ANAPC1: variants seen among roughly 807,000 people sequenced by gnomAD.
ANAPC1 encodes the protein anaphase promoting complex subunit 1.
Under a neutral mutation model 208.0 loss-of-function variants are expected in ANAPC1, and 36 were observed. The ratio of observed to expected loss-of-function variants is 0.17; its 90% CI spans 0.13 to 0.23. ANAPC1 has a LOEUF of 0.23. ANAPC1 is among the 10% of genes least tolerant of loss of function. The pLI is 1.00. For missense variants in ANAPC1, 942 were observed against 2,011.6 expected, an observed-to-expected ratio of 0.47 and a Z score of 10.17; for synonymous variants, 378 against 695.2, an observed-to-expected ratio of 0.54 and a Z score of 7.18.
rs1683252105 is a variant in ANAPC1, at chr2:111,880,631, T to G, written c.195A>C (p.Thr65=). Residue 65 remains threonine (T), a synonymous_variant, in exon 2 of 48, where the codon ACA becomes ACC. Transcript: ENST00000341068. ...ATGGAACCTTCTGTTTCTCGTGGAT[T>G]GTAACCTCCTGAAGGGATCCCACCA... ...AGLVGSLQEV[T]IHEKQKESWQ... is the part of the protein sequence containing the mutation. 2.5e-6 allele frequency: 4 copies of G among 1,611,790 alleles called. No individual in the cohort carries two copies. Among genetic ancestry groups the G allele is most frequent in the Non-Finnish European group, 3.4e-6 (4 of 1,179,526 alleles).
chr2:111,833,692 A>AAAAAAAAAAAAAC (rs1418614052), intron 19 of ANAPC1, among the ~76,000 whole-genome samples: 1 of 150,710 alleles, frequency 6.6e-6, no homozygotes, highest in East Asian at 1.9e-4. Flanking sequence ...AAAAAAAAAA[A>AAAAAAAAAAAAAC]AACCTGATAA....
At chr2:111,769,499 A>G (rs1676601920) in intron 47 of ANAPC1, 93 bp from the exon 48 acceptor site, 2 of 611,532 alleles carry the variant, frequency 3.3e-6, no homozygotes, top group African/African-American at 1.9e-5. Flanking sequence ...AATCATGTTT[A>G]AAACAGGCAT....
chr2:111,867,978 CA>C (rs750765481), intron 7 of ANAPC1, 44 bp downstream of exon 7: 16,238 of 1,077,100 alleles, frequency 0.015, 3 homozygotes, highest in South Asian at 0.031. Context: ...TCACCAAAGT[CA>C]AAAAAAAAAG....
In ANAPC1 at chr2:111,847,376, A is replaced by G. The variant is rs555928484; in HGVS notation, c.1792-178T>C. 4.6e-5 allele frequency among the ~76,000 whole-genome samples: 7 copies of G among 152,356 alleles called. No homozygotes were observed. In the South Asian group the frequency reaches 1.5e-3, roughly 32 times the overall value. ...AACTTTAAATGTAATTATTTGCAAAATGTTTTCCAAAATGCTTGTTTTAAT... is the reference window on the plus strand; with the variant it reads ...AACTTTAAATGTAATTATTTGCAAAGTGTTTTCCAAAATGCTTGTTTTAAT... On this transcript the variant is annotated intron_variant, in intron 15 of 47. Coordinates refer to ENST00000341068, the MANE Select transcript of ANAPC1 (RefSeq NM_022662.4).
intron 13 of ANAPC1, among the ~76,000 whole-genome samples, chr2:111,856,184 G>A (rs867334905): frequency 3.9e-5 from 6 of 152,184 alleles, no homozygotes; most frequent in African/African-American, 9.6e-5. Flanking sequence ...GCAGTAAGCC[G>A]AGATCGTGCC....
At chr2:111,781,802 C>A (rs7340517) in intron 43 of ANAPC1, among the ~76,000 whole-genome samples, 8,084 of 150,944 alleles carry the variant, frequency 0.054, no homozygotes, top group African/African-American at 0.078. Flanking sequence ...ATGTGCTGAC[C>A]CCGCCGTGGG....
intron 39 of ANAPC1, among the ~76,000 whole-genome samples, chr2:111,787,010 G>A (rs1436059401): frequency 2.7e-5 from 4 of 149,208 alleles, no homozygotes; most frequent in Non-Finnish European, 4.5e-5. Flanking sequence ...TTAGCTGGGC[G>A]TGGTGGCAGG....
At chr2:111,866,412 T>G (rs1682418180) in intron 7 of ANAPC1, 1 of 132,654 alleles carries the variant, frequency 7.5e-6, no homozygotes, top group African/African-American at 3.5e-5. Flanking sequence ...AAAGCCCATG[T>G]AAGGAGCTGA....
Position 111,821,595 on chromosome 2 carries a change from C to T in ANAPC1, c.2992-142G>A, listed in dbSNP as rs1019712515. The T allele has an allele frequency of 3.6e-4, 243 of 682,484 alleles. 1 individual carries two copies. Among genetic ancestry groups the T allele is most frequent in the South Asian group, 1.3e-3 (76 of 57,204 alleles). The allele number at this position is 682,484 out of a possible 1,614,324, so 42.3% of individuals were successfully genotyped here. On this transcript the variant is annotated intron_variant, in intron 25 of 47. Coordinates refer to ENST00000341068, the MANE Select transcript of ANAPC1 (RefSeq NM_022662.4). ...TTCCAAAGCAGGCATGGGTTGGAGC[C>T]GCAATGTATACTGGGACTCTAATCT...
At chr2:111,813,154 T>C (rs1175159036) in intron 28 of ANAPC1, among the ~76,000 whole-genome samples, 6 of 102,310 alleles carry the variant, frequency 5.9e-5, no homozygotes, top group African/African-American at 2.0e-4. Flanking sequence ...AGGACAGACT[T>C]CCTACTCAAC....
intron 29 of ANAPC1, among the ~76,000 whole-genome samples, chr2:111,807,623 C>T (rs1197767437): frequency 2.0e-5 from 3 of 151,540 alleles, no homozygotes; most frequent in South Asian, 2.1e-4. Context: ...ACCCGGGAGG[C>T]GGAGCTTGCA....
At chr2:111,864,456 A>ATATATT (rs1682284342) in intron 8 of ANAPC1, among the ~76,000 whole-genome samples, 1 of 124,836 alleles carries the variant, frequency 8.0e-6, no homozygotes, top group South Asian at 2.8e-4. Context: ...TTTCATATAT[A>ATATATT]TATATACTTT....
chr2:111,872,473 A>G (rs1364422350), intron 6 of ANAPC1, among the ~76,000 whole-genome samples, 157 bp downstream of exon 6: 1 of 152,194 alleles, frequency 6.6e-6, no homozygotes, highest in East Asian at 1.9e-4. Flanking sequence ...TTTTTGGATC[A>G]GGGATACTCA....
intron 11 of ANAPC1, among the ~76,000 whole-genome samples, 183 bp downstream of exon 11, chr2:111,858,123 G>A (rs1199570258): frequency 6.6e-6 from 1 of 151,674 alleles, no homozygotes; most frequent in East Asian, 1.9e-4. Context: ...TCATGGTGAT[G>A]GTTGTATAAC....
chr2:111,872,411 T>C (rs1682801502), intron 6 of ANAPC1, among the ~76,000 whole-genome samples: 1 of 152,214 alleles, frequency 6.6e-6, no homozygotes, highest in South Asian at 2.1e-4. Context: ...AAGCATTTCC[T>C]TTGAGTGTCA....
intron 17 of ANAPC1, among the ~76,000 whole-genome samples, chr2:111,843,130 A>T (rs1393961648): frequency 6.6e-6 from 1 of 152,196 alleles, no homozygotes; most frequent in East Asian, 1.9e-4. Context: ...CAAGACTATC[A>T]CTAATCCTAG....
chr2:111,772,821 T>G (rs1292388471), intron 46 of ANAPC1, among the ~76,000 whole-genome samples: 1 of 152,168 alleles, frequency 6.6e-6, no homozygotes, highest in African/African-American at 2.4e-5. Context: ...TTGATGGGAC[T>G]GACTTCAGCT....
intron 26 of ANAPC1, among the ~76,000 whole-genome samples, chr2:111,820,379 C>T (rs145623066): frequency 0.063 from 9,616 of 151,852 alleles, 237 homozygotes; most frequent in Middle Eastern, 0.14. Flanking sequence ...CCCAGCACAG[C>T]ATGGCCATGC....
In ANAPC1 at chr2:111,858,452, A is replaced by G. The variant is rs1468677966; in HGVS notation, c.1263-51T>C. ...ACTGTCAGCACTGGTCCAAGAATCTACCACAGTAACTATTAAAAGTCTTTG... is the reference window on the plus strand; with the variant it reads ...ACTGTCAGCACTGGTCCAAGAATCTGCCACAGTAACTATTAAAAGTCTTTG... On this transcript the variant is annotated intron_variant, in intron 10 of 47. Coordinates refer to ENST00000341068, the MANE Select transcript of ANAPC1 (RefSeq NM_022662.4). The G allele has an allele frequency of 1.1e-5, 17 of 1,489,668 alleles. No homozygotes were observed. In the African/African-American group the frequency reaches 2.1e-4, roughly 18 times the overall value. 92.3% of individuals were successfully genotyped at this position (1,489,668 alleles called of 1,614,324 possible). A position where few individuals can be genotyped will look rare whatever the true frequency, so the allele number is the denominator to read the frequency against.
Sources: allele counts gnomAD v4.1 joint callset (sites outside exome capture counted in the v4.1 genomes callset), GRCh38; gene constraint gnomAD v4.1.1; transcripts MANE v1.5; gene names NCBI Gene and HGNC (gene_info 2026-07-23, HGNC 2026-07-21).